Variants in BLK observed in about 807,000 individuals in gnomAD.
BLK encodes tyrosine-protein kinase Blk.
BLK carries 64 observed loss-of-function variants against 61.8 expected under a neutral mutation model. The observed-to-expected ratio is 1.03, with a 90% CI of 0.85 to 1.27. BLK has a LOEUF of 1.27. BLK is among the 50% of genes most tolerant of loss of function. The pLI is 0.00. For synonymous variants in BLK, 351 were observed against 272.0 expected, an observed-to-expected ratio of 1.29 and a Z score of -2.86; for missense variants, 853 against 660.5, an observed-to-expected ratio of 1.29 and a Z score of -3.19.
At chr8:11,559,327 T>TCA (rs35419225) in intron 10 of BLK, among the ~76,000 whole-genome samples, 1 of 150,780 alleles carries the variant, frequency 6.6e-6, no homozygotes, top group East Asian at 2.0e-4. Context: ...AAACACAGAC[T>TCA]CACACACACA....
At chr8:11,559,164 C>G (rs1201185517) in intron 10 of BLK, among the ~76,000 whole-genome samples, 1 of 152,138 alleles carries the variant, frequency 6.6e-6, no homozygotes, top group Non-Finnish European at 1.5e-5. Flanking sequence ...ATGTGAAAAG[C>G]CATCGGAGTT....
intron 6 of BLK, 96 bp from the exon 7 acceptor site, chr8:11,554,647 G>A (rs2117539552): frequency 3.4e-6 from 5 of 1,467,630 alleles, no homozygotes; most frequent in South Asian, 1.1e-5. Flanking sequence ...CAGAATTGGG[G>A]AACTTTTTTC....
chr8:11,537,786 T>A (rs118023637), intron 1 of BLK, among the ~76,000 whole-genome samples: 1 of 152,248 alleles, frequency 6.6e-6, no homozygotes, highest in African/African-American at 2.4e-5. Context: ...CATGTCATGC[T>A]AGCCAAGTGC....
intron 7 of BLK, 59 bp downstream of exon 7, chr8:11,554,948 C>T: frequency 6.3e-7 from 1 of 1,587,494 alleles, no homozygotes; most frequent in Non-Finnish European, 8.5e-7. Flanking sequence ...GGATCTCTCG[C>T]TAAGATTCCC....
chr8:11,500,664 C>T (rs1798522682), intron 1 of BLK, among the ~76,000 whole-genome samples: 1 of 151,764 alleles, frequency 6.6e-6, no homozygotes, highest in Non-Finnish European at 1.5e-5. Flanking sequence ...CACAGGTGTG[C>T]ACCACCACGC....
intron 10 of BLK, chr8:11,558,373 T>C (rs183111864): frequency 3.4e-5 from 13 of 382,752 alleles, no homozygotes; most frequent in East Asian, 1.3e-4. Context: ...AAGAGTTCCA[T>C]TGAACCCGGC....
intron 1 of BLK, among the ~76,000 whole-genome samples, chr8:11,523,062 T>TTTTATACATTTAAAATATTCATAGC: frequency 6.6e-6 from 1 of 152,374 alleles, no homozygotes; most frequent in Admixed American, 6.5e-5. Flanking sequence ...TTTCTGTTTT[T>TTTTATACATTTAAAATATTCATAGC]TTATACATTT....
At chr8:11,550,057 A>G in intron 5 of BLK, 102 bp from the exon 6 acceptor site, 1 of 1,092,658 alleles carries the variant, frequency 9.2e-7, no homozygotes, top group Admixed American at 1.8e-5. Flanking sequence ...GAAATGCTAG[A>G]TTTTTATTTC....
At position 11,564,030 on chromosome 8, in the gene BLK, G is replaced by T; in HGVS notation, c.1440G>T (p.Arg480=). ...AECWRSRPEE[R]PTFEFLQSVL... is the part of the protein sequence containing the mutation. ...GCTGGCGCAGCCGGCCCGAGGAGCG[G>T]CCCACCTTCGAGTTCCTGCAGTCGG... The change falls in exon 13 of 13, where the codon CGG becomes CGT. Residue 480 remains arginine, a synonymous_variant. Transcript: ENST00000259089. The T allele has an allele frequency of 1.2e-6, 2 of 1,604,226 alleles. No homozygotes were observed. Among genetic ancestry groups the T allele is most frequent in the Non-Finnish European group, 8.5e-7 (1 of 1,178,704 alleles).
intron 1 of BLK, among the ~76,000 whole-genome samples, chr8:11,501,458 C>G (rs780352288): frequency 6.6e-6 from 1 of 151,708 alleles, no homozygotes; most frequent in Non-Finnish European, 1.5e-5. Flanking sequence ...TGCCAGCACA[C>G]TGGGGGAAGT....
chr8:11,522,018 A>T (rs1799472085), intron 1 of BLK, among the ~76,000 whole-genome samples: 1 of 152,222 alleles, frequency 6.6e-6, no homozygotes, highest in African/African-American at 2.4e-5. Flanking sequence ...TGGAGAGAAT[A>T]TGCCTCTTAA....
chr8:11,511,982 G>A (rs1160052526), intron 1 of BLK, among the ~76,000 whole-genome samples: 1 of 152,190 alleles, frequency 6.6e-6, no homozygotes, highest in Non-Finnish European at 1.5e-5. Flanking sequence ...GTGATTGTTT[G>A]ATTATTTAAT....
chr8:11,514,690 T>A (rs1319586025), intron 1 of BLK, among the ~76,000 whole-genome samples: 2 of 152,152 alleles, frequency 1.3e-5, no homozygotes, highest in Admixed American at 6.5e-5. Flanking sequence ...TCTGGACCCA[T>A]CCTGGCAAGT....
chr8:11,550,553 G>T (rs960649930), intron 6 of BLK, among the ~76,000 whole-genome samples: 5 of 152,260 alleles, frequency 3.3e-5, no homozygotes, highest in African/African-American at 4.8e-5. Context: ...CGAGGCCAGT[G>T]GGGGCCAGGG....
At position 11,564,191 on chromosome 8, in the gene BLK, C is replaced by G. The variant is rs1801622308; in HGVS notation, c.*83C>G. The G allele has an allele frequency of 6.8e-7, 1 of 1,468,384 alleles. No individual in the cohort carries two copies. The highest frequency in any genetic ancestry group is 9.2e-7 in the Non-Finnish European group (1 of 1,087,932). The allele number at this position is 1,468,384 out of a possible 1,614,324, so 91.0% of individuals were successfully genotyped here. A position where few individuals can be genotyped will look rare whatever the true frequency, so the allele number is the denominator to read the frequency against. On this transcript the variant is annotated 3_prime_UTR_variant, in exon 13 of 13. Coordinates refer to ENST00000259089, the MANE Select transcript of BLK (RefSeq NM_001715.3). ...TGCCATCCCAGACGGGCCGCGAAGG[C>G]GGGGTGTCGCCTGTGCCCTTTTCTC...
At chr8:11,554,347 C>A in intron 6 of BLK, 1 of 305,630 alleles carries the variant, frequency 3.3e-6, no homozygotes, top group Non-Finnish European at 6.4e-6. Flanking sequence ...TAAGAGATAC[C>A]CTCTTTAGCC....
intron 1 of BLK, among the ~76,000 whole-genome samples, chr8:11,500,422 T>C (rs1798513939): frequency 6.6e-6 from 1 of 151,932 alleles, no homozygotes; most frequent in South Asian, 2.1e-4. Context: ...TCTCAAACTC[T>C]GGACCTCAAG....
chr8:11,516,451 C>A (rs899850050), intron 1 of BLK, among the ~76,000 whole-genome samples: 2 of 152,202 alleles, frequency 1.3e-5, no homozygotes, highest in African/African-American at 4.8e-5. Flanking sequence ...CCCAGAGGAT[C>A]TTTCTGACCT....
intron 1 of BLK, among the ~76,000 whole-genome samples, chr8:11,505,761 G>C (rs1216144110): frequency 1.3e-5 from 2 of 152,164 alleles, no homozygotes; most frequent in African/African-American, 4.8e-5. Flanking sequence ...CTCCCATTGA[G>C]GCCTCCAGGG....
Sources: gnomAD v4.1 joint callset for allele counts (sites outside exome capture counted in the v4.1 genomes callset) on GRCh38, gnomAD v4.1.1 for gene constraint, MANE v1.5 for transcripts, NCBI Gene and HGNC (gene_info 2026-07-23, HGNC 2026-07-21) for gene names.